Variants in HCN4 observed in about 807,000 individuals in gnomAD.
HCN4 encodes the protein hyperpolarization activated cyclic nucleotide gated potassium channel 4.
A neutral mutation model predicts 76.9 loss-of-function variants in HCN4; 29 were observed. The ratio of observed to expected loss-of-function variants is 0.38; its 90% CI spans 0.28 to 0.51. HCN4 has a LOEUF of 0.51. Among genes scored for constraint, HCN4 ranks in the 20% least tolerant of loss-of-function variants. The pLI, the probability that HCN4 is intolerant of heterozygous loss-of-function variation, is 0.90. For missense variants in HCN4, 1,416 were observed against 1,715.2 expected, an observed-to-expected ratio of 0.83 and a Z score of 3.08; for synonymous variants, 772 against 762.5, an observed-to-expected ratio of 1.01 and a Z score of -0.21.
chr15:73,339,786 G>A (rs2042988985), intron 2 of HCN4, among the ~76,000 whole-genome samples: 1 of 152,174 alleles, frequency 6.6e-6, no homozygotes, highest in Non-Finnish European at 1.5e-5. Context: ...GCCAAGCAGA[G>A]GTGGGAGAAG....
At chr15:73,338,415 A>G (rs374148681) in intron 2 of HCN4, among the ~76,000 whole-genome samples, 4 of 152,188 alleles carry the variant, frequency 2.6e-5, no homozygotes, top group African/African-American at 9.7e-5. Flanking sequence ...CTCCTTCTGC[A>G]GTTTCTCAAC....
Position 73,332,235 on chromosome 15 carries a change from C to T in HCN4, c.1267G>A (p.Gly423Ser), listed in dbSNP as rs764988693. The T allele has an allele frequency of 6.2e-6, 10 of 1,614,154 alleles. No homozygotes were observed. The highest frequency in any genetic ancestry group is 8.5e-6 in the Non-Finnish European group (10 of 1,179,988). The part of the protein sequence containing the change: ...SAVVRIVNLI[G>S]MMLLLCHWDG... Reference sequence around the variant, plus strand: ...CAGTGGCAGAGCAGGAGCATCATGCCGATGAGGTTCACGATGCGCACCACG... The same window carrying T: ...CAGTGGCAGAGCAGGAGCATCATGCTGATGAGGTTCACGATGCGCACCACG... Residue 423 changes from glycine (G) to serine (S), a missense_variant, in exon 3 of 8, where the codon GGC (glycine) becomes AGC (serine). By Grantham distance (56) the Gly-to-Ser change is moderately conservative. Around this residue, in one of 6 missense-constraint regions of HCN4, gnomAD observed 112 missense variants for 259.9 expected, o/e 0.43. Transcript: ENST00000261917.
At chr15:73,358,361 G>A (rs2043090458) in intron 1 of HCN4, among the ~76,000 whole-genome samples, 1 of 152,228 alleles carries the variant, frequency 6.6e-6, no homozygotes, top group South Asian at 2.1e-4. Flanking sequence ...ACTGGAGGTG[G>A]GAGAAGCCCA....
intron 2 of HCN4, among the ~76,000 whole-genome samples, chr15:73,339,046 T>G (rs1352511267): frequency 6.6e-6 from 1 of 152,206 alleles, no homozygotes; most frequent in East Asian, 1.9e-4. Context: ...GCCTTCTGCC[T>G]CCAGCCCCTC....
Position 73,340,590 on chromosome 15 carries a change from TCCC to T in HCN4, c.1209+2792_1209+2794del, listed in dbSNP as rs2042995363. On this transcript the variant is annotated intron_variant, in intron 2 of 7. Coordinates refer to ENST00000261917, the MANE Select transcript of HCN4 (RefSeq NM_005477.3). ...CCAGCCGCACCCTCCAGAGTCACTG[TCCC>T]CTCTCAGCCCTCAGCTCAGACCACC... Among the ~76,000 whole-genome samples, 4 of 152,044 alleles carry T rather than the reference TCCC, an allele frequency of 2.6e-5. No individual in the cohort carries two copies. In the South Asian group the frequency reaches 8.4e-4, roughly 32 times the overall value.
chr15:73,353,443 T>C (rs1362446390), intron 1 of HCN4, among the ~76,000 whole-genome samples: 2 of 152,144 alleles, frequency 1.3e-5, no homozygotes, highest in South Asian at 2.1e-4. Context: ...GAGAGGGTGG[T>C]TGTCTGAAGA....
intron 4 of HCN4, among the ~76,000 whole-genome samples, chr15:73,327,670 C>A (rs2042908672): frequency 6.6e-6 from 1 of 151,932 alleles, no homozygotes; most frequent in East Asian, 1.9e-4. Context: ...GCCTTCTCTA[C>A]CTCCCTAGGA....
At chr15:73,353,011 T>TGGAC (rs1040954788) in intron 1 of HCN4, among the ~76,000 whole-genome samples, 9 of 136,342 alleles carry the variant, frequency 6.6e-5, no homozygotes, top group Non-Finnish European at 1.2e-4. Flanking sequence ...GACAGATGGA[T>TGGAC]GGATGGATGG....
chr15:73,341,644 G>A (rs536187899), intron 2 of HCN4, among the ~76,000 whole-genome samples: 9 of 152,272 alleles, frequency 5.9e-5, no homozygotes, highest in African/African-American at 1.7e-4. Context: ...CACCGGGGTG[G>A]GACAGCCCAC....
At chr15:73,355,368 G>C (rs975248298) in intron 1 of HCN4, among the ~76,000 whole-genome samples, 2 of 152,176 alleles carry the variant, frequency 1.3e-5, no homozygotes, top group Non-Finnish European at 2.9e-5. Context: ...CTAAAGATAT[G>C]CTGAGTTCCA....
At chr15:73,337,813 C>T (rs1595826542) in intron 2 of HCN4, among the ~76,000 whole-genome samples, 1 of 152,142 alleles carries the variant, frequency 6.6e-6, no homozygotes, top group South Asian at 2.1e-4. Flanking sequence ...AGGGAACCTA[C>T]CCTTGTCCCT....
In HCN4 at chr15:73,323,526, G is replaced by A; in HGVS notation, c.2567C>T (p.Ser856Phe). 1 of 1,601,372 alleles carries A rather than the reference G, an allele frequency of 6.2e-7. No individual in the cohort carries two copies. Among genetic ancestry groups the A allele is most frequent in the South Asian group, 1.1e-5 (1 of 91,090 alleles). ...PSQVDTPSSS[S>F]FHIQQLAGFS... ...TCCAGCCAGCTGTTGGATGTGGAAG[G>A]AGGATGAAGACGGTGTGTCCACCTG... Residue 856 changes from serine (S) to phenylalanine (F), a missense_variant, in exon 8 of 8, where the codon TCC becomes TTC. By Grantham distance (155) the Ser-to-Phe change is radical. Around this residue, in one of 6 missense-constraint regions of HCN4, gnomAD observed 633 missense variants for 579.8 expected, o/e 1.09. Coordinates refer to ENST00000261917, the MANE Select transcript of HCN4 (RefSeq NM_005477.3).
At chr15:73,335,033 C>T (rs1279865530) in intron 2 of HCN4, among the ~76,000 whole-genome samples, 4 of 151,888 alleles carry the variant, frequency 2.6e-5, no homozygotes, top group East Asian at 1.9e-4. Context: ...AGGGAGAAGG[C>T]GGCCGTCTAC....
intron 2 of HCN4, among the ~76,000 whole-genome samples, chr15:73,337,842 CCTTCTCCTGCAGGGGACACAGACTT>C (rs995979688): frequency 1.3e-5 from 2 of 152,118 alleles, no homozygotes; most frequent in Non-Finnish European, 2.9e-5. Flanking sequence ...AACCAAGGTG[CCTTCTCCTGCAGGGGACACAGACTT>C]CCGTGTCCTA....
rs571117018 is a variant in HCN4 at position 73,354,079 on chromosome 15, A to C, written c.786-10271T>G. 7.2e-5 allele frequency among the ~76,000 whole-genome samples: 11 copies of C among 152,258 alleles called. No homozygotes were observed. In the East Asian group the frequency reaches 1.7e-3, roughly 24 times the overall value. On this transcript the variant is annotated intron_variant, in intron 1 of 7. Transcript: ENST00000261917. ...GCCTGCCTAGGGCTGCCTCAGACAC[A>C]GTCCGATTTAGAGCCAAGGGCATCT...
intron 4 of HCN4, among the ~76,000 whole-genome samples, chr15:73,326,353 G>A (rs73440099): frequency 0.013 from 1,973 of 152,296 alleles, 42 homozygotes; most frequent in African/African-American, 0.046. Context: ...AAACACCCAC[G>A]GGCAAATGAG....
At position 73,322,829 on chromosome 15, in the gene HCN4, C is replaced by T. The variant is rs752705479; in HGVS notation, c.3264G>A (p.Ala1088=). 58 of 1,523,494 alleles carry T rather than the reference C, an allele frequency of 3.8e-5. No individual in the cohort carries two copies. The highest frequency in any genetic ancestry group is 4.6e-5 in the Non-Finnish European group (52 of 1,137,384). The allele number at this position is 1,523,494 out of a possible 1,614,324, so 94.4% of individuals were successfully genotyped here. A position where few individuals can be genotyped will look rare whatever the true frequency, so the allele number is the denominator to read the frequency against. ...RLTQDLKLIS[A]SQPALPQDGA... is the part of the protein sequence containing the mutation. ...CGTCCTGAGGCAGGGCTGGCTGAGA[C>T]GCGGAGATGAGCTTGAGGTCCTGGG... The change falls in exon 8 of 8, where the codon GCG becomes GCA. Residue 1088 remains alanine (A), a synonymous_variant. Transcript: ENST00000261917.
intron 1 of HCN4, among the ~76,000 whole-genome samples, chr15:73,347,947 C>A (rs1281634446): frequency 6.6e-6 from 1 of 152,240 alleles, no homozygotes; most frequent in Non-Finnish European, 1.5e-5. Context: ...TCAATCCTTA[C>A]TTCCTACCTG....
rs1567801801 is a variant in HCN4 at position 73,367,787 on chromosome 15, C to T, written c.484G>A (p.Ala162Thr). 1.5e-6 allele frequency: 2 copies of T among 1,334,288 alleles called. No individual in the cohort carries two copies. The highest frequency in any genetic ancestry group is 1.9e-6 in the Non-Finnish European group (2 of 1,052,110). The allele number at this position is 1,334,288 out of a possible 1,614,324, so 82.7% of individuals were successfully genotyped here. A position where few individuals can be genotyped will look rare whatever the true frequency, so the allele number is the denominator to read the frequency against. The change falls in exon 1 of 8, where the codon GCA becomes ACA. Residue 162 changes from alanine to threonine, a missense_variant. Ala to Thr is a moderately conservative substitution (Grantham distance 58). Transcript: ENST00000261917. This position sits in a 1 kb window ranked among gnomAD's most constrained non-coding sequence, Gnocchi z 7.5. ...PERPGASAQP[A>T]ASPPPPQQPP... ...TGCTGGGGCGGCGGCGGCGAGGCTGCGGGCTGCGCCGAGGCGCCGGGGCGC... is the reference window on the plus strand; with the variant it reads ...TGCTGGGGCGGCGGCGGCGAGGCTGTGGGCTGCGCCGAGGCGCCGGGGCGC...
Sources: gnomAD v4.1 joint callset for allele counts (sites outside exome capture counted in the v4.1 genomes callset) on GRCh38, gnomAD v4.1.1 for gene constraint, gnomAD v4.1.1 regional missense constraint, Gnocchi (gnomAD v3.1) non-coding constraint, MANE v1.5 for transcripts, NCBI Gene and HGNC (gene_info 2026-07-23, HGNC 2026-07-21) for gene names.